ADGRD1: variants seen among roughly 807,000 people sequenced by gnomAD.
ADGRD1 encodes the protein adhesion G protein-coupled receptor D1.
In ADGRD1, 77 loss-of-function variants were observed where a neutral mutation model predicts 113.4. The observed-to-expected ratio is 0.68, with a 90% CI of 0.57 to 0.82. The LOEUF is 0.82. Among genes scored for constraint, ADGRD1 ranks in the 40% least tolerant of loss-of-function variants. The probability of loss-of-function intolerance (pLI) is 0.00; values close to 1 mark genes in which losing one functional copy is unlikely to be tolerated. For synonymous variants in ADGRD1, 474 were observed against 475.0 expected (o/e 1.00, Z 0.03); for missense variants, 1,036 against 1,139.1 (o/e 0.91, Z 1.30).
At chr12:131,087,467 C>G (rs959656396) in intron 15 of ADGRD1, among the ~76,000 whole-genome samples, 1 of 152,190 alleles carries the variant, frequency 6.6e-6, no homozygotes, top group Non-Finnish European at 1.5e-5. Flanking sequence ...CAAGAAGGGC[C>G]GGCCACGAAG....
At chr12:131,056,761 A>G (rs1883894861) in intron 13 of ADGRD1, among the ~76,000 whole-genome samples, 1 of 152,206 alleles carries the variant, frequency 6.6e-6, no homozygotes, top group African/African-American at 2.4e-5. Context: ...CCCCGTGGGG[A>G]TAATCACTTC....
chr12:131,043,628 T>C (rs966449487), intron 13 of ADGRD1, among the ~76,000 whole-genome samples: 1 of 152,206 alleles, frequency 6.6e-6, no homozygotes, highest in Non-Finnish European at 1.5e-5. Flanking sequence ...TGCCCAGCAC[T>C]GGACAGAGGA....
chr12:131,122,835 T>C (rs886189544), intron 20 of ADGRD1, among the ~76,000 whole-genome samples: 1 of 152,120 alleles, frequency 6.6e-6, no homozygotes, highest in Non-Finnish European at 1.5e-5. Context: ...CCTGGCTCCT[T>C]CACCACCCAC....
intron 8 of ADGRD1, among the ~76,000 whole-genome samples, chr12:130,997,166 C>T (rs1167373754): frequency 3.8e-4 from 43 of 114,532 alleles, no homozygotes; most frequent in Admixed American, 9.7e-4. Context: ...CCGGACGGGG[C>T]GGCTTGCCGG....
Position 131,044,030 on chromosome 12 carries a change from G to C in ADGRD1, c.1473+29690G>C, listed in dbSNP as rs545333085. Among the ~76,000 whole-genome samples the C allele has an allele frequency of 1.1e-4, 17 of 152,286 alleles. No individual in the cohort carries two copies. In the East Asian group the frequency reaches 3.1e-3, roughly 28 times the overall value. On this transcript the variant is annotated intron_variant, in intron 13 of 24. Transcript: ENST00000261654. ...GCGTCAAGACAGCAGGGAAGACTGGGTGTTAACTTCAGGCCTCACACCGTG... is the reference window on the plus strand; with the variant it reads ...GCGTCAAGACAGCAGGGAAGACTGGCTGTTAACTTCAGGCCTCACACCGTG...
intron 14 of ADGRD1, among the ~76,000 whole-genome samples, chr12:131,078,903 A>G (rs971352935): frequency 1.8e-4 from 27 of 152,152 alleles, no homozygotes; most frequent in Non-Finnish European, 7.3e-5. Flanking sequence ...ATGATTGTAC[A>G]GTTCTGTGAG....
chr12:131,026,038 A>C (rs911900835), intron 13 of ADGRD1: 1 of 152,364 alleles, frequency 6.6e-6, no homozygotes, highest in East Asian at 1.9e-4. Context: ...TGCCCGGTTC[A>C]TGTCAATTGC....
At chr12:130,994,706 G>A (rs1874995267) in intron 8 of ADGRD1, among the ~76,000 whole-genome samples, 1 of 152,252 alleles carries the variant, frequency 6.6e-6, no homozygotes, top group African/African-American at 2.4e-5. Flanking sequence ...ATGGCTTAAT[G>A]AGCCACAGTT....
intron 2 of ADGRD1, among the ~76,000 whole-genome samples, chr12:130,961,383 C>T (rs763513828): frequency 2.6e-4 from 40 of 151,952 alleles, no homozygotes; most frequent in Non-Finnish European, 5.6e-4. Context: ...GAAAATACCC[C>T]TTTTTCTCTC....
chr12:131,012,279 T>TTC (rs1429611973), intron 12 of ADGRD1, among the ~76,000 whole-genome samples: 1 of 149,370 alleles, frequency 6.7e-6, no homozygotes, highest in East Asian at 1.9e-4. Context: ...TTCTTTTCAT[T>TTC]TTTTTTTTTT....
rs147518377 is a variant in ADGRD1, at chr12:130,975,598, A to C, written c.310+4018A>C. Among the ~76,000 whole-genome samples, 227 of 152,326 alleles carry C rather than the reference A, an allele frequency of 1.5e-3. 2 individuals carry two copies. In the Middle Eastern group the frequency reaches 0.017, roughly 11 times the overall value. On this transcript the variant is annotated intron_variant, in intron 4 of 24. Coordinates refer to ENST00000261654, the MANE Select transcript of ADGRD1 (RefSeq NM_198827.5). ...TCTGTGACCATAATAAAGTTAAATG[A>C]AAGGGAACTGATTGCATAAAATCCA...
In ADGRD1 at chr12:130,984,814, TCCC is replaced by T. The variant is rs1873435748; in HGVS notation, c.491-2280_491-2278del. ...TTCCTTCTTTCCCTCCCTCCCTTCC[TCCC>T]TCCCTTCCTTCCTTCCTTCTTGCCT... On this transcript the variant is annotated intron_variant, in intron 5 of 24. Coordinates refer to ENST00000261654, the MANE Select transcript of ADGRD1 (RefSeq NM_198827.5). This position sits in a 1 kb window ranked among gnomAD's most constrained non-coding sequence, Gnocchi z 4.1. Among the ~76,000 whole-genome samples, 1 of 141,642 alleles carries T rather than the reference TCCC, an allele frequency of 7.1e-6. No individual in the cohort carries two copies. The highest frequency in any genetic ancestry group is 1.6e-5 in the Non-Finnish European group (1 of 64,458). The allele number at this position is 141,642 out of a possible 152,430, so 92.9% of individuals were successfully genotyped here.
At chr12:131,062,791 G>A (rs1458502749) in intron 13 of ADGRD1, among the ~76,000 whole-genome samples, 1 of 152,012 alleles carries the variant, frequency 6.6e-6, no homozygotes, top group African/African-American at 2.4e-5. Context: ...ACTAATACAA[G>A]GGTCACGTGG....
At position 130,986,891 on chromosome 12, in the gene ADGRD1, A is replaced by C. The variant is rs1426394633; in HGVS notation, c.491-204A>C. 17 of 569,836 alleles carry C rather than the reference A, an allele frequency of 3.0e-5. No homozygotes were observed. The East Asian group carries it at 4.5e-4, about 15-fold the overall frequency. The allele number at this position is 569,836 out of a possible 1,614,324, so 35.3% of individuals were successfully genotyped here. A position where few individuals can be genotyped will look rare whatever the true frequency, so the allele number is the denominator to read the frequency against. Reference sequence around the variant, plus strand: ...TTGAACTGCTTCTGGAATTTAGGGCATAAGGACAAAAAGATAACATCCTTC... The same window carrying C: ...TTGAACTGCTTCTGGAATTTAGGGCCTAAGGACAAAAAGATAACATCCTTC... On this transcript the variant is annotated intron_variant, in intron 5 of 24. Transcript: ENST00000261654.
chr12:130,987,812 G>A (rs139598741), intron 6 of ADGRD1: 8 of 182,866 alleles, frequency 4.4e-5, no homozygotes, highest in Non-Finnish European at 7.1e-5. Context: ...ATAATGAGCC[G>A]TGAGACTTTG....
chr12:130,994,130 GT>G (rs1874848318), intron 8 of ADGRD1: 3 of 336,428 alleles, frequency 8.9e-6, no homozygotes, highest in African/African-American at 6.3e-5. Context: ...GCTGCCCAGT[GT>G]GGGAGCGCTT....
At chr12:131,017,429 C>A (rs1195918) in intron 13 of ADGRD1, among the ~76,000 whole-genome samples, 94,098 of 129,040 alleles carry the variant, frequency 0.73, 35,299 homozygotes, top group East Asian at 0.85. Context: ...TACCCAGTCC[C>A]CACACACCCA....
chr12:131,083,477 T>C (rs1886222418), intron 14 of ADGRD1, among the ~76,000 whole-genome samples: 1 of 152,130 alleles, frequency 6.6e-6, no homozygotes, highest in South Asian at 2.1e-4. Flanking sequence ...CACAGTGGCA[T>C]GCACCTGTAG....
chr12:131,138,643 A>G (rs1439610685), intron 24 of ADGRD1, among the ~76,000 whole-genome samples: 1 of 152,084 alleles, frequency 6.6e-6, no homozygotes, highest in Non-Finnish European at 1.5e-5. Flanking sequence ...ATCCTCAGGA[A>G]GTCCTTCCCC....
Sources: allele counts gnomAD v4.1 joint callset (sites outside exome capture counted in the v4.1 genomes callset), GRCh38; gene constraint gnomAD v4.1.1; non-coding constraint Gnocchi (gnomAD v3.1); transcripts MANE v1.5; gene names NCBI Gene and HGNC (gene_info 2026-07-23, HGNC 2026-07-21).